OPRM1: variants seen among roughly 807,000 people sequenced by gnomAD.
OPRM1 encodes the protein opioid receptor mu 1.
OPRM1 carries 27 observed loss-of-function variants against 31.8 expected under a neutral mutation model. That is an observed-to-expected ratio of 0.85 (90% CI 0.63 to 1.17). The LOEUF (loss-of-function observed/expected upper bound fraction) is 1.17. Ranked by LOEUF, OPRM1 falls within the 50% of genes most tolerant of loss-of-function variation. The probability of loss-of-function intolerance (pLI) is 0.00; values close to 1 mark genes in which losing one functional copy is unlikely to be tolerated. For missense variants in OPRM1, 536 were observed against 511.1 expected (o/e 1.05, Z -0.47); for synonymous variants, 196 against 189.9 (o/e 1.03, Z -0.26).
At chr6:154,160,116 T>C (rs891412019) in intron 3 of OPRM1, 1 of 1,118,182 alleles carries the variant, frequency 8.9e-7, no homozygotes, top group East Asian at 2.4e-5. Context: ...TTACCAACTC[T>C]TTTACAAGTA....
intron 1 of OPRM1, among the ~76,000 whole-genome samples, chr6:154,078,639 G>A (rs1788386419): frequency 6.6e-6 from 1 of 152,234 alleles, no homozygotes; most frequent in African/African-American, 2.4e-5. Flanking sequence ...GGGAGGCCAA[G>A]GAGGGAGGAC....
At chr6:154,088,456 T>G (rs2128480841) in intron 1 of OPRM1, among the ~76,000 whole-genome samples, 1 of 152,332 alleles carries the variant, frequency 6.6e-6, no homozygotes, top group African/African-American at 2.4e-5. Flanking sequence ...AGTAAATAAC[T>G]TAGGCTTTGC....
intron 1 of OPRM1, chr6:154,011,116 C>A: frequency 9.3e-7 from 1 of 1,071,832 alleles, no homozygotes; most frequent in Non-Finnish European, 1.3e-6. Context: ...CTCTTAAATG[C>A]TATACATTCT....
At chr6:154,132,820 C>G (rs1562501291), downstream of OPRM1, among the ~76,000 whole-genome samples, 1 of 152,046 alleles carries the variant, frequency 6.6e-6, no homozygotes, top group Non-Finnish European at 1.5e-5. Context: ...CATGAAAACA[C>G]TTTATGGTAA....
Position 154,129,243 on chromosome 6 carries a change from G to A in OPRM1, c.*10522G>A, listed in dbSNP as rs142712095. ...GGCTGCATGCACCGGTGGTCTGGGA[G>A]GAACAGAACAGGACAGGGAGTTCTT... On this transcript the variant is annotated 3_prime_UTR_variant, in exon 4 of 4. Coordinates refer to ENST00000330432, the MANE Select transcript of OPRM1 (RefSeq NM_000914.5). 1.9e-3 allele frequency among the ~76,000 whole-genome samples: 287 copies of A among 152,294 alleles called. 2 individuals carry two copies. The Middle Eastern group carries it at 0.02, about 11-fold the overall frequency.
chr6:154,199,917 A>G (rs769951595), intron 3 of OPRM1: 6 of 1,614,162 alleles, frequency 3.7e-6, no homozygotes, highest in Non-Finnish European at 5.1e-6. Context: ...TCAGGCAAGG[A>G]TTGTCTCTCT....
chr6:154,143,233 G>A (rs1798267663), intron 3 of OPRM1, among the ~76,000 whole-genome samples: 1 of 151,984 alleles, frequency 6.6e-6, no homozygotes, highest in South Asian at 2.1e-4. Context: ...AATACACCTG[G>A]TATTTTTCTG....
intron 3 of OPRM1, among the ~76,000 whole-genome samples, chr6:154,238,108 T>C (rs1396343086): frequency 6.6e-6 from 1 of 152,214 alleles, no homozygotes; most frequent in Non-Finnish European, 1.5e-5. Flanking sequence ...AACATGGAAA[T>C]ATGTTTCTAT....
At position 154,110,343 on chromosome 6, in the gene OPRM1, A is replaced by C. The variant is rs919097890; in HGVS notation, c.1165-8340A>C. 1.3e-5 allele frequency: 18 copies of C among 1,346,892 alleles called. No individual in the cohort carries two copies. The Admixed American group carries it at 3.0e-4, about 22-fold the overall frequency. 83.4% of individuals were successfully genotyped at this position (1,346,892 alleles called of 1,614,324 possible). On this transcript the variant is annotated intron_variant, in intron 3 of 3. Coordinates refer to ENST00000330432, the MANE Select transcript of OPRM1 (RefSeq NM_000914.5). Reference sequence around the variant, plus strand: ...GTACATTGTTCTGTTTTTGAATGAAATATCTTTGCAGAAAATAGATTTATT... The same window carrying C: ...GTACATTGTTCTGTTTTTGAATGAACTATCTTTGCAGAAAATAGATTTATT...
intron 1 of OPRM1, chr6:154,086,865 G>A (rs1790705296): frequency 1.0e-6 from 1 of 983,750 alleles, no homozygotes; most frequent in Non-Finnish European, 1.2e-6. Flanking sequence ...TTCTCTTTTG[G>A]GGAGAAACTT....
intron 3 of OPRM1, among the ~76,000 whole-genome samples, 179 bp from the exon 4 acceptor site, chr6:154,118,504 T>C (rs1476163554): frequency 2.0e-5 from 3 of 152,224 alleles, no homozygotes; most frequent in Non-Finnish European, 4.4e-5. Context: ...GCCAGAAGAT[T>C]ATTCATAATG....
intron 3 of OPRM1, among the ~76,000 whole-genome samples, chr6:154,117,858 G>GGT (rs60794328): frequency 0.014 from 2,029 of 145,636 alleles, 35 homozygotes; most frequent in African/African-American, 0.04. Context: ...TTAAAAAGAT[G>GGT]GTGTGTGTGT....
At chr6:154,099,985 CAT>C (rs1400777582) in intron 3 of OPRM1, among the ~76,000 whole-genome samples, 3 of 135,396 alleles carry the variant, frequency 2.2e-5, no homozygotes, top group Non-Finnish European at 3.1e-5. Context: ...TATATCATAA[CAT>C]ATTATATATT....
chr6:154,089,632 A>G lies in OPRM1; in HGVS notation c.291-194A>G, dbSNP rs117124278. 5,577 of 575,864 alleles carry G rather than the reference A, an allele frequency of 9.7e-3. 42 individuals carry two copies. Among genetic ancestry groups the G allele is most frequent in the South Asian group, 0.016 (723 of 44,276 alleles). The allele number at this position is 575,864 out of a possible 1,614,324, so 35.7% of individuals were successfully genotyped here. On this transcript the variant is annotated intron_variant, in intron 1 of 3. Coordinates refer to ENST00000330432, the MANE Select transcript of OPRM1 (RefSeq NM_000914.5). ...AACTCAACAAAGCAGCATCGTTGCT[A>G]TTATTGCAGCTATTTAGCCAATAGG...
chr6:154,013,832 G>T (rs987789125), intron 1 of OPRM1, among the ~76,000 whole-genome samples: 2 of 152,100 alleles, frequency 1.3e-5, no homozygotes, highest in Non-Finnish European at 2.9e-5. Context: ...GGAAGGAGTG[G>T]GAAGACATGT....
intron 3 of OPRM1, among the ~76,000 whole-genome samples, chr6:154,173,583 T>C (rs757217885): frequency 7.2e-5 from 11 of 151,998 alleles, no homozygotes; most frequent in Non-Finnish European, 1.3e-4. Flanking sequence ...TGATTGAAGA[T>C]CAAATTAATG....
chr6:154,221,787 T>C (rs973067785), intron 3 of OPRM1, among the ~76,000 whole-genome samples: 1 of 152,136 alleles, frequency 6.6e-6, no homozygotes, highest in African/African-American at 2.4e-5. Flanking sequence ...GGCAGGAGAA[T>C]GGCATGAACC....
chr6:154,050,189 T>G (rs1287165530), intron 1 of OPRM1, among the ~76,000 whole-genome samples: 2 of 152,208 alleles, frequency 1.3e-5, no homozygotes, highest in Non-Finnish European at 2.9e-5. Context: ...TACTTGTTAT[T>G]GATCTATTCA....
chr6:154,176,722 A>G (rs1800367210), intron 3 of OPRM1, among the ~76,000 whole-genome samples: 1 of 152,232 alleles, frequency 6.6e-6, no homozygotes, highest in Admixed American at 6.5e-5. Context: ...AAGAATCAAT[A>G]TCATGAAAAT....
Sources: gnomAD v4.1 joint callset for allele counts (sites outside exome capture counted in the v4.1 genomes callset) on GRCh38, gnomAD v4.1.1 for gene constraint, MANE v1.5 for transcripts, NCBI Gene and HGNC (gene_info 2026-07-23, HGNC 2026-07-21) for gene names.